The following SNX21 variants were observed in gnomAD, a reference collection of about 807,000 sequenced individuals.
The protein encoded by SNX21 is sorting nexin family member 21.
A neutral mutation model predicts 30.9 loss-of-function variants in SNX21; 36 were observed. That is an observed-to-expected ratio of 1.16 (90% CI 0.89 to 1.54). The LOEUF (loss-of-function observed/expected upper bound fraction) is 1.54, where lower values mean the gene tolerates loss of function less well. SNX21 is among the 40% of genes most tolerant of loss of function. SNX21 has a pLI of 0.00. For missense variants in SNX21, 508 were observed against 516.5 expected, an observed-to-expected ratio of 0.98 and a Z score of 0.16; for synonymous variants, 218 against 222.7, an observed-to-expected ratio of 0.98 and a Z score of 0.19.
At chr20:45,839,800 T>C (rs1021256707) in intron 3 of SNX21, among the ~76,000 whole-genome samples, 1 of 151,946 alleles carries the variant, frequency 6.6e-6, no homozygotes, top group Non-Finnish European at 1.5e-5. Context: ...TCCTAGCTAC[T>C]TGGGAGGCTG....
In SNX21 at chr20:45,842,145, A is replaced by G. The variant is rs949374111; in HGVS notation, c.*832A>G. 4.6e-6 allele frequency: 7 copies of G among 1,527,688 alleles called. No homozygotes were observed. Among genetic ancestry groups the G allele is most frequent in the Non-Finnish European group, 6.1e-6 (7 of 1,143,644 alleles). 94.6% of individuals were successfully genotyped at this position (1,527,688 alleles called of 1,614,324 possible). ...CGCACATCACCATGCCCAACCTCCA[A>G]GTGGACTTCTTGCAAAGGGTCTGGC... is the stretch of plus-strand genomic sequence containing the variant. On this transcript the variant is annotated 3_prime_UTR_variant, in exon 4 of 4. Transcript: ENST00000491381.
chr20:45,841,517 T>G lies in SNX21; in HGVS notation c.*204T>G, dbSNP rs985540369. The G allele has an allele frequency of 7.2e-7, 1 of 1,395,702 alleles. No homozygotes were observed. 86.5% of individuals were successfully genotyped at this position (1,395,702 alleles called of 1,614,324 possible). On this transcript the variant is annotated 3_prime_UTR_variant, in exon 4 of 4. Transcript: ENST00000491381. ...TTTGGCTGGGGTTGCCCTTGTGTAGTACAGGGAAGTCTGACACAGCCTCTC... is the reference window on the plus strand; with the variant it reads ...TTTGGCTGGGGTTGCCCTTGTGTAGGACAGGGAAGTCTGACACAGCCTCTC...
Position 45,840,300 on chromosome 20 carries a change from C to T in SNX21, c.448-339C>T, listed in dbSNP as rs371239979. ...AGCCCCAAGAGATTGGCTGGGGTTT[C>T]AGCTTATGTCTGGTTTTCCAGAGGG... On this transcript the variant is annotated intron_variant, in intron 3 of 3. Transcript: ENST00000491381. The T allele has an allele frequency of 3.3e-5, 51 of 1,547,254 alleles. No homozygotes were observed. In the East Asian group the frequency reaches 6.7e-4, roughly 20 times the overall value.
chr20:45,835,525 A>G (rs1407243694), intron 3 of SNX21, among the ~76,000 whole-genome samples: 1 of 152,166 alleles, frequency 6.6e-6, no homozygotes, highest in Non-Finnish European at 1.5e-5. Context: ...CTTGACTCCC[A>G]CTTATTTCCA....
At chr20:45,839,465 G>A (rs951823124) in intron 3 of SNX21, among the ~76,000 whole-genome samples, 19 of 151,886 alleles carry the variant, frequency 1.3e-4, no homozygotes, top group African/African-American at 3.1e-4. Flanking sequence ...GCAGTGAGCC[G>A]AGATCGTGCC....
rs1984318597 is a variant in SNX21 at position 45,842,672 on chromosome 20, T to C, written c.*1359T>C. ...AGCAGAGCTCACTCAGTTCTCACAG[T>C]AGCCAAATGAAGCAGTTATGTGTTG... On this transcript the variant is annotated 3_prime_UTR_variant, in exon 4 of 4. Coordinates refer to ENST00000491381, the MANE Select transcript of SNX21 (RefSeq NM_033421.4). 1.0e-6 allele frequency: 1 copy of C among 989,170 alleles called. No homozygotes were observed. The highest frequency in any genetic ancestry group is 1.2e-6 in the Non-Finnish European group (1 of 832,206). 61.3% of individuals were successfully genotyped at this position (989,170 alleles called of 1,614,324 possible).
At position 45,834,452 on chromosome 20, in the gene SNX21, G is replaced by C. The variant is rs755425178; in HGVS notation, c.273G>C (p.Thr91=). 6.2e-7 allele frequency: 1 copy of C among 1,604,576 alleles called. No homozygotes were observed. The highest frequency in any genetic ancestry group is 1.7e-5 in the Admixed American group (1 of 59,684). Residue 91 remains threonine (T), a synonymous_variant, in exon 2 of 4, where the codon ACG becomes ACC. Coordinates refer to ENST00000491381, the MANE Select transcript of SNX21 (RefSeq NM_033421.4). ...GPDQLPLGDG[T]SGEDAERSPP... is the part of the protein sequence containing the mutation. Reference sequence around the variant, plus strand: ...ACCAGCTGCCCCTCGGGGATGGGACGTCAGGAGAAGACGCAGGCGAGTGCA... The same window carrying C: ...ACCAGCTGCCCCTCGGGGATGGGACCTCAGGAGAAGACGCAGGCGAGTGCA...
At position 45,834,194 on chromosome 20, in the gene SNX21, C is replaced by G. The variant is rs777783045; in HGVS notation, c.22-7C>G. On this transcript the variant is annotated splice_polypyrimidine_tract_variant and splice_region_variant and intron_variant, in intron 1 of 3. Transcript: ENST00000491381. The stretch of plus-strand genomic sequence containing the variant: ...ATCCGGTACACAGCGTCGCGCGCTC[C>G]CCCCAGGGTGCCATGGCCTCCCGGC... 1.3e-6 allele frequency: 2 copies of G among 1,492,062 alleles called. No homozygotes were observed. Among genetic ancestry groups the G allele is most frequent in the Non-Finnish European group, 1.8e-6 (2 of 1,130,934 alleles). 92.4% of individuals were successfully genotyped at this position (1,492,062 alleles called of 1,614,324 possible).
intron 2 of SNX21, 141 bp downstream of exon 2, chr20:45,834,609 T>A: frequency 8.6e-7 from 1 of 1,158,386 alleles, no homozygotes; most frequent in Non-Finnish European, 1.2e-6. Context: ...ACCTCTTGGC[T>A]GTGTGACCTT....
Position 45,842,380 on chromosome 20 carries a change from G to A in SNX21, c.*1067G>A, listed in dbSNP as rs1283593473. On this transcript the variant is annotated 3_prime_UTR_variant, in exon 4 of 4. Coordinates refer to ENST00000491381, the MANE Select transcript of SNX21 (RefSeq NM_033421.4). The stretch of plus-strand genomic sequence containing the variant: ...TGAGAACAGTCTCCTTCAACAGCTC[G>A]GCCAAGCAGAACTGCTGTACCTCTG... The A allele has an allele frequency of 9.3e-6, 12 of 1,283,962 alleles. No homozygotes were observed. The highest frequency in any genetic ancestry group is 3.0e-5 in the African/African-American group (2 of 66,546). The allele number at this position is 1,283,962 out of a possible 1,614,324, so 79.5% of individuals were successfully genotyped here.
Position 45,841,296 on chromosome 20 carries a change from A to C in SNX21, c.1105A>C (p.Lys369Gln). 1 of 1,572,306 alleles carries C rather than the reference A, an allele frequency of 6.4e-7. No individual in the cohort carries two copies. The highest frequency in any genetic ancestry group is 8.6e-7 in the Non-Finnish European group (1 of 1,162,298). Residue 369 changes from lysine to glutamine, a missense_variant, in exon 4 of 4, where the codon AAG becomes CAG. Transcript: ENST00000491381. ...CCCCAGTCTCAAAGAATTGCTCATC[A>C]AGGAGGTGCTGGACTAACCCTTGCC... ...PPPSLKELLI[K>Q]EVLD
intron 2 of SNX21, 186 bp from the exon 3 acceptor site, chr20:45,834,769 TATTA>T (rs1983371511): frequency 6.8e-6 from 5 of 734,444 alleles, no homozygotes; most frequent in South Asian, 1.8e-5. Context: ...AGGGTGGAGC[TATTA>T]ATTTAGCCCC....
chr20:45,838,770 G>A (rs1983758153), intron 3 of SNX21, among the ~76,000 whole-genome samples: 1 of 151,894 alleles, frequency 6.6e-6, no homozygotes, highest in African/African-American at 2.4e-5. Context: ...AAGTAAATAA[G>A]TAAGTAGTGA....
In SNX21 at chr20:45,834,413, G is replaced by C. The variant is rs768369624; in HGVS notation, c.234G>C (p.Glu78Asp). Residue 78 changes from glutamate (E) to aspartate (D), a missense_variant, in exon 2 of 4, where the codon GAG (glutamate) becomes GAC (aspartate). Physicochemically the swap from Glu to Asp is conservative, Grantham distance 45 (BLOSUM62 2). Transcript: ENST00000491381. ...DDEDDEDEDD[E>D]EAGPDQLPLG... ...AGGACGACGAGGACGAGGACGACGA[G>C]GAGGCTGGCCCTGACCAGCTGCCCC... is the stretch of plus-strand genomic sequence containing the variant. The C allele has an allele frequency of 5.6e-6, 9 of 1,606,358 alleles. No individual in the cohort carries two copies. In the Admixed American group the frequency reaches 1.5e-4, roughly 27 times the overall value.
At chr20:45,838,945 A>T (rs1265803093) in intron 3 of SNX21, among the ~76,000 whole-genome samples, 1 of 148,566 alleles carries the variant, frequency 6.7e-6, no homozygotes, top group Non-Finnish European at 1.5e-5. Context: ...CCCAGGCTCG[A>T]GTGCCATGAG....
Position 45,842,401 on chromosome 20 carries a change from C to T in SNX21, c.*1088C>T. 1.7e-6 allele frequency: 2 copies of T among 1,210,286 alleles called. No individual in the cohort carries two copies. The highest frequency in any genetic ancestry group is 2.1e-6 in the Non-Finnish European group (2 of 969,552). The allele number at this position is 1,210,286 out of a possible 1,614,324, so 75.0% of individuals were successfully genotyped here. On this transcript the variant is annotated 3_prime_UTR_variant, in exon 4 of 4. Transcript: ENST00000491381. ...GCTCGGCCAAGCAGAACTGCTGTAC[C>T]TCTGACCACTTGTGTTAGGAAAACT...
At chr20:45,840,274 G>A (rs1983935445) in intron 3 of SNX21, 10 of 1,487,232 alleles carry the variant, frequency 6.7e-6, no homozygotes, top group East Asian at 2.5e-5. Context: ...GGTCCTAAAG[G>A]AGCCCCAAGA....
rs1983405081 is a variant in SNX21, at chr20:45,835,011, G to A, written c.342G>A (p.Gln114=). 1.9e-6 allele frequency: 3 copies of A among 1,614,088 alleles called. No individual in the cohort carries two copies. The South Asian group carries it at 3.3e-5, about 18-fold the overall frequency. Residue 114 remains glutamine (Q), a synonymous_variant, in exon 3 of 4, where the codon CAG becomes CAA. Transcript: ENST00000491381. ...GGGGCAGTCAGCTCCTGGCGCGGCAGCTGCAGGATTTCTGGAAGAAGTCCC... is the reference window on the plus strand; with the variant it reads ...GGGGCAGTCAGCTCCTGGCGCGGCAACTGCAGGATTTCTGGAAGAAGTCCC... ...GQWGSQLLAR[Q]LQDFWKKSRN... is the part of the protein sequence containing the mutation.
Position 45,834,355 on chromosome 20 carries a change from G to A in SNX21, c.176G>A (p.Gly59Asp), listed in dbSNP as rs777581969. Reference sequence around the variant, plus strand: ...GAGGGCCTGTCCTCCCGACTCAGCGGCACCCTCAGCTTCACCAGCGCCGAG... The same window carrying A: ...GAGGGCCTGTCCTCCCGACTCAGCGACACCCTCAGCTTCACCAGCGCCGAG... ...DAEGLSSRLSGTLSFTSAEDD... is the reference protein window; with the variant it reads ...DAEGLSSRLSDTLSFTSAEDD... The change falls in exon 2 of 4, where the codon GGC becomes GAC. Residue 59 changes from glycine (G) to aspartate (D), a missense_variant. Gly to Asp is a moderately conservative substitution (Grantham distance 94). Coordinates refer to ENST00000491381, the MANE Select transcript of SNX21 (RefSeq NM_033421.4). 4 of 1,601,358 alleles carry A rather than the reference G, an allele frequency of 2.5e-6. No individual in the cohort carries two copies. Among genetic ancestry groups the A allele is most frequent in the African/African-American group, 2.7e-5 (2 of 74,870 alleles).
Sources: allele counts gnomAD v4.1 joint callset (sites outside exome capture counted in the v4.1 genomes callset), GRCh38; gene constraint gnomAD v4.1.1; transcripts MANE v1.5; gene names NCBI Gene and HGNC (gene_info 2026-07-23, HGNC 2026-07-21).